The following ALPL variants were observed in gnomAD, a reference collection of about 807,000 sequenced individuals.
ALPL encodes the protein alkaline phosphatase, tissue-nonspecific isozyme.
ALPL carries 42 observed loss-of-function variants against 51.3 expected under a neutral mutation model. The observed-to-expected ratio is 0.82, with a 90% CI of 0.64 to 1.06. The LOEUF is 1.06. Among genes scored for constraint, ALPL ranks in the 50% least tolerant of loss-of-function variants. The pLI is 0.00. For missense variants in ALPL, 589 were observed against 709.4 expected, an observed-to-expected ratio of 0.83 and a Z score of 1.93; for synonymous variants, 279 against 296.4, an observed-to-expected ratio of 0.94 and a Z score of 0.60.
At chr1:21,516,250 T>C (rs1643798009) in intron 1 of ALPL, among the ~76,000 whole-genome samples, 1 of 152,148 alleles carries the variant, frequency 6.6e-6, no homozygotes, top group South Asian at 2.1e-4. Context: ...CTTACCTGTC[T>C]CTCAGCATAC....
chr1:21,516,828 G>GT (rs772940050), intron 1 of ALPL, among the ~76,000 whole-genome samples: 12 of 152,126 alleles, frequency 7.9e-5, no homozygotes, highest in South Asian at 2.1e-4. Context: ...TGAAAATGCT[G>GT]TTTTTTTGCT....
At chr1:21,558,408 G>A (rs368984310) in intron 2 of ALPL, among the ~76,000 whole-genome samples, 4 of 152,302 alleles carry the variant, frequency 2.6e-5, no homozygotes, top group Admixed American at 6.5e-5. Context: ...CAACAGCACC[G>A]TGGTGTGTTT....
chr1:21,532,871 C>T (rs567771321), intron 1 of ALPL, among the ~76,000 whole-genome samples: 5 of 152,224 alleles, frequency 3.3e-5, no homozygotes, highest in Non-Finnish European at 7.3e-5. Context: ...CACCAGGGTG[C>T]CTGTCCTGAT....
chr1:21,509,344 G>T (rs1178796892), upstream of ALPL: 1 of 147,828 alleles, frequency 6.8e-6, no homozygotes. This position sits in a 1 kb window ranked among gnomAD's most constrained non-coding sequence, Gnocchi z 6.0. Flanking sequence ...GGGGCCGGGG[G>T]CGGGGGAGGG....
intron 7 of ALPL, among the ~76,000 whole-genome samples, chr1:21,569,473 T>A (rs1461828144): frequency 1.3e-5 from 2 of 152,150 alleles, no homozygotes; most frequent in Admixed American, 1.3e-4. Flanking sequence ...GGCTACGTGG[T>A]CTGTGTGCCT....
chr1:21,535,256 GT>G (rs1558534175), intron 1 of ALPL, among the ~76,000 whole-genome samples: 1 of 152,180 alleles, frequency 6.6e-6, no homozygotes, highest in Non-Finnish European at 1.5e-5. Flanking sequence ...AGCATTTGGG[GT>G]CTGGATTTCA....
chr1:21,530,964 T>C (rs1644021889), intron 1 of ALPL, among the ~76,000 whole-genome samples: 1 of 147,180 alleles, frequency 6.8e-6, no homozygotes, highest in Admixed American at 6.8e-5. Flanking sequence ...ATTTTTTTTT[T>C]TTTTTTTTTT....
intron 2 of ALPL, among the ~76,000 whole-genome samples, chr1:21,554,692 G>A (rs374070632): frequency 4.6e-5 from 7 of 150,876 alleles, no homozygotes; most frequent in Non-Finnish European, 5.9e-5. Context: ...GGGTTTCACC[G>A]TGTTAGCCAG....
At chr1:21,562,069 G>C (rs1248794509) in intron 4 of ALPL, among the ~76,000 whole-genome samples, 1 of 152,156 alleles carries the variant, frequency 6.6e-6, no homozygotes, top group African/African-American at 2.4e-5. Flanking sequence ...TTCGGGTTTG[G>C]TTCCAGGCCA....
intron 1 of ALPL, among the ~76,000 whole-genome samples, chr1:21,530,957 T>TTTTTTTTC (rs1343920270): frequency 2.9e-3 from 44 of 15,328 alleles, no homozygotes; most frequent in Non-Finnish European, 4.6e-3. Context: ...ATTTTTGATT[T>TTTTTTTTC]TTTTTTTTTT....
intron 1 of ALPL, among the ~76,000 whole-genome samples, chr1:21,536,606 C>G (rs922127097): frequency 1.3e-5 from 2 of 152,160 alleles, no homozygotes; most frequent in African/African-American, 4.8e-5. Flanking sequence ...ACAAAGTGCC[C>G]TTCCCCACCA....
chr1:21,560,702 C>G lies in ALPL; in HGVS notation c.138C>G (p.Leu46=), dbSNP rs1644471877. The G allele has an allele frequency of 6.2e-7, 1 of 1,614,024 alleles. No homozygotes were observed. ...AATATGCCCTGGAGCTTCAGAAGCT[C>G]AACACCAACGTGGCTAAGAATGTCA... ...TLKYALELQK[L]NTNVAKNVIM... is the part of the protein sequence containing the mutation. The change falls in exon 3 of 12, where the codon CTC becomes CTG. Residue 46 remains leucine (L), a synonymous_variant. Transcript: ENST00000374840.
At chr1:21,545,996 A>G (rs946584174) in intron 1 of ALPL, among the ~76,000 whole-genome samples, 8 of 151,684 alleles carry the variant, frequency 5.3e-5, no homozygotes, top group Admixed American at 5.3e-4. Flanking sequence ...TTGTATTTTT[A>G]GTAGACACGG....
intron 2 of ALPL, among the ~76,000 whole-genome samples, chr1:21,556,166 G>A (rs1046527579): frequency 5.9e-5 from 9 of 152,158 alleles, no homozygotes; most frequent in African/African-American, 2.2e-4. Context: ...CTAATTCTAG[G>A]CCAGTTTTTA....
Position 21,573,562 on chromosome 1 carries a change from G to A in ALPL, c.863-103G>A, listed in dbSNP as rs945241313. 3 of 1,450,718 alleles carry A rather than the reference G, an allele frequency of 2.1e-6. No homozygotes were observed. In the African/African-American group the frequency reaches 4.3e-5, roughly 21 times the overall value. 89.9% of individuals were successfully genotyped at this position (1,450,718 alleles called of 1,614,324 possible). A position where few individuals can be genotyped will look rare whatever the true frequency, so the allele number is the denominator to read the frequency against. The stretch of plus-strand genomic sequence containing the variant: ...AGCCACCATACTCTACCCCAAGCTG[G>A]CTGTGGGGAGCCTGCATTCCCTGAG... On this transcript the variant is annotated intron_variant, in intron 8 of 11. Coordinates refer to ENST00000374840, the MANE Select transcript of ALPL (RefSeq NM_000478.6).
At chr1:21,574,202 T>C (rs1395788714) in intron 9 of ALPL, 2 of 985,340 alleles carry the variant, frequency 2.0e-6, no homozygotes, top group Non-Finnish European at 2.4e-6. Context: ...GCCAGGGGCC[T>C]TGCAGACAGA....
rs765458125 is a variant in ALPL, at chr1:21,573,676, C to T, written c.874C>T (p.Pro292Ser). The change falls in exon 9 of 12, where the codon CCA becomes TCA. Residue 292 changes from proline to serine, a missense_variant. By Grantham distance (74) the Pro-to-Ser change is moderately conservative. Coordinates refer to ENST00000374840, the MANE Select transcript of ALPL (RefSeq NM_000478.6). ...NVDYLLGLFE[P>S]GDMQYELNRN... Reference sequence around the variant, plus strand: ...GGCGTCCTCCTCAGGTCTCTTCGAGCCAGGGGACATGCAGTACGAGCTGAA... The same window carrying T: ...GGCGTCCTCCTCAGGTCTCTTCGAGTCAGGGGACATGCAGTACGAGCTGAA... 2 of 1,613,754 alleles carry T rather than the reference C, an allele frequency of 1.2e-6. No homozygotes were observed. Among genetic ancestry groups the T allele is most frequent in the Non-Finnish European group, 8.5e-7 (1 of 1,179,968 alleles).
chr1:21,541,361 C>T (rs936834101), intron 1 of ALPL, among the ~76,000 whole-genome samples: 3 of 152,236 alleles, frequency 2.0e-5, no homozygotes, highest in African/African-American at 4.8e-5. Flanking sequence ...GTGAGGTCAC[C>T]TGCTCTGAGC....
chr1:21,510,800 G>T (rs1643671842), intron 1 of ALPL, among the ~76,000 whole-genome samples: 1 of 152,190 alleles, frequency 6.6e-6, no homozygotes, highest in Non-Finnish European at 1.5e-5. Context: ...CCACCTGTGG[G>T]TGTCCCCACG....
Sources: gnomAD v4.1 joint callset for allele counts (sites outside exome capture counted in the v4.1 genomes callset) on GRCh38, gnomAD v4.1.1 for gene constraint, Gnocchi (gnomAD v3.1) non-coding constraint, MANE v1.5 for transcripts, NCBI Gene and HGNC (gene_info 2026-07-23, HGNC 2026-07-21) for gene names.